Variants in TMEM117 observed in about 807,000 individuals in gnomAD.
TMEM117 encodes transmembrane protein 117.
Under a neutral mutation model 52.4 loss-of-function variants are expected in TMEM117, and 27 were observed. The observed-to-expected ratio is 0.51, with a 90% confidence interval of 0.38 to 0.71. The LOEUF (loss-of-function observed/expected upper bound fraction) is 0.71, where lower values mean the gene tolerates loss of function less well. Among genes scored for constraint, TMEM117 ranks in the 30% least tolerant of loss-of-function variants. TMEM117 has a pLI of 0.00. For synonymous variants in TMEM117, 215 were observed against 206.3 expected (o/e 1.04, Z -0.36); for missense variants, 556 against 630.5 (o/e 0.88, Z 1.26).
intron 5 of TMEM117, among the ~76,000 whole-genome samples, chr12:44,222,162 C>T (rs117939552): frequency 6.6e-6 from 1 of 152,116 alleles, no homozygotes; most frequent in African/African-American, 2.4e-5. Flanking sequence ...TAATTCCTAG[C>T]CTTGTGTCTC....
At chr12:44,302,239 T>C (rs1490473327) in intron 6 of TMEM117, among the ~76,000 whole-genome samples, 1 of 152,224 alleles carries the variant, frequency 6.6e-6, no homozygotes, top group Non-Finnish European at 1.5e-5. Context: ...TTCTCAGCCC[T>C]AGATATTGTC....
At chr12:44,012,450 C>T (rs1946308740) in intron 3 of TMEM117, among the ~76,000 whole-genome samples, 1 of 150,682 alleles carries the variant, frequency 6.6e-6, no homozygotes, top group Admixed American at 6.6e-5. Context: ...ACAGTTATAC[C>T]TTTCATGGTT....
intron 2 of TMEM117, among the ~76,000 whole-genome samples, chr12:43,891,907 A>G (rs900819705): frequency 2.6e-5 from 4 of 152,152 alleles, no homozygotes; most frequent in African/African-American, 9.7e-5. Context: ...CGTGGAAAAT[A>G]TACTTTAAAA....
chr12:44,028,735 T>C (rs565999064), intron 3 of TMEM117, among the ~76,000 whole-genome samples: 1 of 152,358 alleles, frequency 6.6e-6, no homozygotes, highest in East Asian at 1.9e-4. Flanking sequence ...CCCTTGGGAC[T>C]GCTTTGCCTA....
intron 4 of TMEM117, among the ~76,000 whole-genome samples, chr12:44,187,865 C>A (rs535663712): frequency 6.6e-6 from 1 of 152,206 alleles, no homozygotes; most frequent in African/African-American, 2.4e-5. Context: ...CAATGATTTA[C>A]TTACCATTGA....
intron 3 of TMEM117, among the ~76,000 whole-genome samples, chr12:44,061,704 A>G (rs941002584): frequency 1.3e-5 from 2 of 152,194 alleles, no homozygotes; most frequent in African/African-American, 4.8e-5. Context: ...AAGTACTAAA[A>G]CAGTCATTCC....
At chr12:44,337,098 G>T (rs564649018) in intron 6 of TMEM117, among the ~76,000 whole-genome samples, 52 of 152,100 alleles carry the variant, frequency 3.4e-4, no homozygotes, top group African/African-American at 1.3e-3. Flanking sequence ...CATTTGTGCT[G>T]CCATAACAAA....
At chr12:44,245,407 T>G (rs538810335) in intron 5 of TMEM117, among the ~76,000 whole-genome samples, 82 of 152,094 alleles carry the variant, frequency 5.4e-4, no homozygotes, top group African/African-American at 1.8e-3. Context: ...ACATACAGAT[T>G]TTTCACCTTC....
chr12:44,042,793 CA>C (rs1230665234), intron 3 of TMEM117, among the ~76,000 whole-genome samples: 2 of 150,938 alleles, frequency 1.3e-5, no homozygotes, highest in Non-Finnish European at 2.9e-5. Flanking sequence ...CACACACACA[CA>C]CACACACACA....
intron 5 of TMEM117, among the ~76,000 whole-genome samples, chr12:44,217,970 T>C (rs1256771633): frequency 6.6e-6 from 1 of 152,156 alleles, no homozygotes; most frequent in African/African-American, 2.4e-5. Flanking sequence ...ATGCCTGTAA[T>C]CCCAGCACTT....
intron 6 of TMEM117, among the ~76,000 whole-genome samples, chr12:44,326,509 C>G (rs920377897): frequency 1.3e-5 from 2 of 152,098 alleles, no homozygotes; most frequent in African/African-American, 4.8e-5. Context: ...CATAGACTTT[C>G]AGTAGGAACA....
chr12:44,396,136 C>A, the TMEM117 span, among the ~76,000 whole-genome samples: 1 of 152,080 alleles, frequency 6.6e-6, no homozygotes, highest in African/African-American at 2.4e-5. Flanking sequence ...TTTTCTCTCC[C>A]CTGTCCAGTG....
intron 3 of TMEM117, among the ~76,000 whole-genome samples, chr12:44,065,273 G>A (rs1725321265): frequency 6.6e-6 from 1 of 151,958 alleles, no homozygotes; most frequent in African/African-American, 2.4e-5. Flanking sequence ...CAGCTGAGGA[G>A]GAGAATTGGG....
rs1950539125 is a variant in TMEM117, at chr12:44,278,245, T to C, written c.609-21335T>C. Among the ~76,000 whole-genome samples, 3 of 152,130 alleles carry C rather than the reference T, an allele frequency of 2.0e-5. No homozygotes were observed. The South Asian group carries it at 6.2e-4, about 32-fold the overall frequency. Reference sequence around the variant, plus strand: ...TCATATTCATAGGTTCTACTCAGGATTAAAAAGAGATTACACGAGAGCAAG... The same window carrying C: ...TCATATTCATAGGTTCTACTCAGGACTAAAAAGAGATTACACGAGAGCAAG... On this transcript the variant is annotated intron_variant, in intron 5 of 7. Transcript: ENST00000266534.
chr12:43,930,841 C>T (rs773606887), intron 2 of TMEM117, among the ~76,000 whole-genome samples: 1 of 152,162 alleles, frequency 6.6e-6, no homozygotes, highest in Non-Finnish European at 1.5e-5. Flanking sequence ...CAGCTTACTT[C>T]CTGGAGAGTT....
intron 4 of TMEM117, 152 bp from the exon 5 acceptor site, chr12:44,211,138 A>G (rs1949640150): frequency 1.6e-6 from 1 of 624,846 alleles, no homozygotes; most frequent in Admixed American, 3.4e-5. Flanking sequence ...TTTTAATTGA[A>G]TGAAGTATAT....
At chr12:43,889,752 T>C (rs946398756) in intron 2 of TMEM117, among the ~76,000 whole-genome samples, 2 of 152,114 alleles carry the variant, frequency 1.3e-5, no homozygotes, top group African/African-American at 4.8e-5. Context: ...AAGCAAGACA[T>C]AGATTTTGTT....
At chr12:44,278,649 G>T (rs1015290117) in intron 5 of TMEM117, among the ~76,000 whole-genome samples, 1 of 152,074 alleles carries the variant, frequency 6.6e-6, no homozygotes, top group South Asian at 2.1e-4. Flanking sequence ...CAATCAATGG[G>T]ATCTCTTTTC....
intron 6 of TMEM117, among the ~76,000 whole-genome samples, chr12:44,321,361 T>C: frequency 6.6e-6 from 1 of 152,208 alleles, no homozygotes; most frequent in Non-Finnish European, 1.5e-5. Flanking sequence ...GCCATTGGCA[T>C]ATCTCCTAGA....
Sources: gnomAD v4.1 joint callset for allele counts (sites outside exome capture counted in the v4.1 genomes callset) on GRCh38, gnomAD v4.1.1 for gene constraint, MANE v1.5 for transcripts, NCBI Gene and HGNC (gene_info 2026-07-23, HGNC 2026-07-21) for gene names.